The following ANTXR2 variants were observed in gnomAD, a reference collection of about 807,000 sequenced individuals.
The protein encoded by ANTXR2 is ANTXR cell adhesion molecule 2.
Under a neutral mutation model 73.7 loss-of-function variants are expected in ANTXR2, and 44 were observed. That is an observed-to-expected ratio of 0.60 (90% CI 0.47 to 0.77). The LOEUF is 0.77. Ranked by LOEUF, ANTXR2 falls within the 30% of genes least tolerant of loss-of-function variation. The pLI, the probability that ANTXR2 is intolerant of heterozygous loss-of-function variation, is 0.00. For missense variants in ANTXR2, 604 were observed against 592.5 expected (o/e 1.02, Z -0.20); for synonymous variants, 217 against 205.9 (o/e 1.05, Z -0.46).
At chr4:80,012,070 G>C (rs1731610595) in intron 11 of ANTXR2, among the ~76,000 whole-genome samples, 1 of 152,198 alleles carries the variant, frequency 6.6e-6, no homozygotes, top group African/African-American at 2.4e-5. Context: ...AGTTTCAAAA[G>C]AGCATTAGTT....
In ANTXR2 at chr4:80,040,736, G is replaced by A. The variant is rs576445584; in HGVS notation, c.637-4704C>T. Among the ~76,000 whole-genome samples the A allele has an allele frequency of 1.8e-4, 23 of 128,826 alleles. No homozygotes were observed. In the South Asian group the frequency reaches 4.6e-3, roughly 25 times the overall value. The allele number at this position is 128,826 out of a possible 152,430, so 84.5% of individuals were successfully genotyped here. A position where few individuals can be genotyped will look rare whatever the true frequency, so the allele number is the denominator to read the frequency against. ...ATTTGATATTTTGGGGGATATATACGCATGCATAGACACACACACACACAC... is the reference window on the plus strand; with the variant it reads ...ATTTGATATTTTGGGGGATATATACACATGCATAGACACACACACACACAC... On this transcript the variant is annotated intron_variant, in intron 7 of 16. Coordinates refer to ENST00000403729, the MANE Select transcript of ANTXR2 (RefSeq NM_058172.6).
At chr4:79,920,776 A>C (rs138169591) in intron 16 of ANTXR2, among the ~76,000 whole-genome samples, 1 of 152,262 alleles carries the variant, frequency 6.6e-6, no homozygotes, top group Non-Finnish European at 1.5e-5. Flanking sequence ...TAATTATACA[A>C]AATTAACATC....
chr4:80,025,889 A>T (rs928430485), intron 10 of ANTXR2, among the ~76,000 whole-genome samples: 5 of 152,214 alleles, frequency 3.3e-5, no homozygotes, highest in Non-Finnish European at 7.3e-5. Context: ...AAGGAAAAAG[A>T]GCTATATTCA....
At chr4:79,924,431 C>T (rs1022858626) in intron 16 of ANTXR2, among the ~76,000 whole-genome samples, 5 of 152,072 alleles carry the variant, frequency 3.3e-5, no homozygotes, top group Admixed American at 3.3e-4. Context: ...TTTGAGGCTG[C>T]AGTGAGCTAT....
In ANTXR2 at chr4:79,902,587, C is replaced by T. The variant is rs1726748188; in HGVS notation, c.*4842G>A. 1 of 152,124 alleles carries T rather than the reference C, an allele frequency of 6.6e-6. No individual in the cohort carries two copies. The highest frequency in any genetic ancestry group is 6.6e-5 in the Admixed American group (1 of 15,262). 9.4% of individuals were successfully genotyped at this position (152,124 alleles called of 1,614,324 possible). ...GAAACCAGAGTGAAGTACATGCATA[C>T]ATTTCCCAATGTTTTACCCATCTTT... On this transcript the variant is annotated 3_prime_UTR_variant, in exon 17 of 17. Coordinates refer to ENST00000403729, the MANE Select transcript of ANTXR2 (RefSeq NM_058172.6).
chr4:79,972,927 A>AAAAAAAAAAAAAAAAAAG (rs1231503136), intron 16 of ANTXR2, among the ~76,000 whole-genome samples: 2 of 17,136 alleles, frequency 1.2e-4, no homozygotes, highest in African/African-American at 1.7e-4. Flanking sequence ...TAATAAAAAA[A>AAAAAAAAAAAAAAAAAAG]AAAAAAAAAA....
At chr4:80,011,928 G>T (rs556745012) in intron 11 of ANTXR2, among the ~76,000 whole-genome samples, 1 of 152,280 alleles carries the variant, frequency 6.6e-6, no homozygotes, top group African/African-American at 2.4e-5. Context: ...CTAAAAGCAA[G>T]TTATAGAATA....
chr4:79,959,889 A>C (rs745911359), intron 16 of ANTXR2, among the ~76,000 whole-genome samples: 1 of 152,246 alleles, frequency 6.6e-6, no homozygotes, highest in Non-Finnish European at 1.5e-5. Context: ...AACAATGAGG[A>C]CAAAGCAGTG....
At chr4:79,924,702 A>G (rs1328183002) in intron 16 of ANTXR2, among the ~76,000 whole-genome samples, 11 of 152,132 alleles carry the variant, frequency 7.2e-5, no homozygotes, top group Admixed American at 7.2e-4. Context: ...AAGTACAGAA[A>G]ACTGCAACTA....
At chr4:79,987,664 C>T (rs1301372416) in intron 12 of ANTXR2, among the ~76,000 whole-genome samples, 1 of 152,014 alleles carries the variant, frequency 6.6e-6, no homozygotes, top group Non-Finnish European at 1.5e-5. Flanking sequence ...GATATCTAGT[C>T]ATCAGATTCT....
intron 16 of ANTXR2, among the ~76,000 whole-genome samples, chr4:79,949,963 T>C (rs1363183482): frequency 6.6e-6 from 1 of 152,182 alleles, no homozygotes; most frequent in Non-Finnish European, 1.5e-5. Context: ...GATGATTATA[T>C]TTGAAATTTT....
At chr4:80,027,948 TAAAG>T (rs1430966253) in intron 10 of ANTXR2, among the ~76,000 whole-genome samples, 1 of 152,138 alleles carries the variant, frequency 6.6e-6, no homozygotes, top group Non-Finnish European at 1.5e-5. Flanking sequence ...TATTCAAACT[TAAAG>T]AAGACAATTT....
intron 12 of ANTXR2, among the ~76,000 whole-genome samples, chr4:79,996,511 G>A (rs528951417): frequency 1.1e-4 from 17 of 151,942 alleles, no homozygotes; most frequent in Non-Finnish European, 4.4e-5. Context: ...ATTTGGGGAC[G>A]AGAAACAAAA....
chr4:80,070,305 T>C (rs1293696606), intron 2 of ANTXR2, among the ~76,000 whole-genome samples: 15 of 152,230 alleles, frequency 9.9e-5, no homozygotes. Context: ...ATTGAGCAAC[T>C]AGGCTTGAGC....
chr4:79,931,759 T>C (rs1728068294), intron 16 of ANTXR2, among the ~76,000 whole-genome samples: 1 of 152,184 alleles, frequency 6.6e-6, no homozygotes, highest in African/African-American at 2.4e-5. Context: ...GCATATTTAA[T>C]TTATTTGCCA....
intron 16 of ANTXR2, among the ~76,000 whole-genome samples, chr4:79,933,312 C>T (rs1321226461): frequency 1.3e-5 from 2 of 152,168 alleles, no homozygotes; most frequent in African/African-American, 4.8e-5. Context: ...CAAAAAAGAT[C>T]AGGTGCCAAT....
chr4:79,959,573 A>G (rs904020059), intron 16 of ANTXR2, among the ~76,000 whole-genome samples: 14 of 152,218 alleles, frequency 9.2e-5, no homozygotes. Flanking sequence ...GACTGTACCC[A>G]GAATTAGAAA....
At chr4:80,001,953 G>T (rs1322247744) in intron 12 of ANTXR2, among the ~76,000 whole-genome samples, 4 of 151,744 alleles carry the variant, frequency 2.6e-5, no homozygotes, top group Admixed American at 2.0e-4. Context: ...CTCTGCACGT[G>T]AGATGGGTTT....
At chr4:79,979,897 T>C (rs1729811741) in intron 14 of ANTXR2, among the ~76,000 whole-genome samples, 2 of 152,200 alleles carry the variant, frequency 1.3e-5, no homozygotes, top group Admixed American at 1.3e-4. Flanking sequence ...TGTCTTAACT[T>C]AGAGAAGTCA....
Sources: allele counts gnomAD v4.1 joint callset (sites outside exome capture counted in the v4.1 genomes callset), GRCh38; gene constraint gnomAD v4.1.1; transcripts MANE v1.5; gene names NCBI Gene and HGNC (gene_info 2026-07-23, HGNC 2026-07-21).